Variants in NOMO3 observed in about 807,000 individuals in gnomAD.
The protein encoded by NOMO3 is BOS complex subunit NOMO3.
A neutral mutation model predicts 69.9 loss-of-function variants in NOMO3; 15 were observed. The ratio of observed to expected loss-of-function variants is 0.21; its 90% CI spans 0.14 to 0.33. The LOEUF is 0.33. NOMO3 is among the 10% of genes least tolerant of loss of function. The pLI is 1.00. For synonymous variants in NOMO3, 89 were observed against 301.9 expected (o/e 0.29, Z 7.31); for missense variants, 218 against 761.0 (o/e 0.29, Z 8.39).
At chr16:16,240,706 C>CA (rs1300574181) in intron 3 of NOMO3, among the ~76,000 whole-genome samples, 1 of 143,516 alleles carries the variant, frequency 7.0e-6, no homozygotes, top group Non-Finnish European at 1.5e-5. Flanking sequence ...TGGGTGACCC[C>CA]AGTCCATGGC....
Position 16,258,256 on chromosome 16 carries a change from T to C in NOMO3, c.1220+2098T>C, listed in dbSNP as rs577718006. On this transcript the variant is annotated intron_variant, in intron 11 of 30. Coordinates refer to ENST00000399336, the MANE Select transcript of NOMO3 (RefSeq NM_001004067.4). Reference sequence around the variant, plus strand: ...TTTTAAAAAAGACAAAAAAGACAAATACATTTATGCTGCTAAATTATGGCA... The same window carrying C: ...TTTTAAAAAAGACAAAAAAGACAAACACATTTATGCTGCTAAATTATGGCA... Among the ~76,000 whole-genome samples the C allele has an allele frequency of 3.3e-3, 461 of 139,756 alleles. 109 individuals are homozygous for C. The highest frequency in any genetic ancestry group is 0.013 in the African/African-American group (448 of 33,588). 91.7% of individuals were successfully genotyped at this position (139,756 alleles called of 152,430 possible). A position where few individuals can be genotyped will look rare whatever the true frequency, so the allele number is the denominator to read the frequency against.
intron 4 of NOMO3, among the ~76,000 whole-genome samples, chr16:16,244,179 C>T (rs898824042): frequency 7.0e-5 from 10 of 142,330 alleles, no homozygotes; most frequent in Non-Finnish European, 7.4e-5. Context: ...TCTTTCTCCT[C>T]TACCTTTGCG....
intron 1 of NOMO3, among the ~76,000 whole-genome samples, chr16:16,233,498 G>A (rs1180112754): frequency 9.3e-4 from 88 of 94,472 alleles, no homozygotes; most frequent in Middle Eastern, 0.01. Context: ...GATTTGTGCT[G>A]AAGGTTTTTT....
intron 16 of NOMO3, among the ~76,000 whole-genome samples, chr16:16,268,829 T>C (rs1177469538): frequency 6.9e-6 from 1 of 143,902 alleles, no homozygotes; most frequent in African/African-American, 2.9e-5. Flanking sequence ...TTAGAAAACT[T>C]ATGTTTAAAG....
intron 20 of NOMO3, among the ~76,000 whole-genome samples, 188 bp downstream of exon 20, chr16:16,274,263 A>T (rs62032179): frequency 8.0e-6 from 1 of 124,234 alleles, no homozygotes; most frequent in East Asian, 2.9e-4. Flanking sequence ...GTTGGGTTGG[A>T]TGGATGGATG....
At position 16,243,047 on chromosome 16, in the gene NOMO3, A is replaced by G; in HGVS notation, c.302-114A>G. 9.8e-6 allele frequency: 12 copies of G among 1,227,770 alleles called. 1 individual carries two copies. The highest frequency in any genetic ancestry group is 1.3e-5 in the Non-Finnish European group (12 of 910,508). The allele number at this position is 1,227,770 out of a possible 1,614,324, so 76.1% of individuals were successfully genotyped here. A position where few individuals can be genotyped will look rare whatever the true frequency, so the allele number is the denominator to read the frequency against. ...ACAACGAGTGTATTAAGTGTTCAAA[A>G]GTAAAATGAAACCTGAATAATAAAA... On this transcript the variant is annotated intron_variant, in intron 3 of 30. Coordinates refer to ENST00000399336, the MANE Select transcript of NOMO3 (RefSeq NM_001004067.4).
At chr16:16,240,888 C>G (rs3021043) in intron 3 of NOMO3, among the ~76,000 whole-genome samples, 11,004 of 119,448 alleles carry the variant, frequency 0.092, 42 homozygotes, top group Middle Eastern at 0.14. Flanking sequence ...GGGGTAGGGT[C>G]GGGGGTGCCT....
At chr16:16,269,070 T>A (rs1191070560) in intron 16 of NOMO3, among the ~76,000 whole-genome samples, 2 of 142,474 alleles carry the variant, frequency 1.4e-5, no homozygotes, top group Non-Finnish European at 3.0e-5. Context: ...AGCCAGCCTG[T>A]GAGGCAGATG....
intron 12 of NOMO3, 43 bp from the exon 13 acceptor site, chr16:16,263,031 C>G (rs747537664): frequency 1.2e-5 from 19 of 1,588,794 alleles, no homozygotes; most frequent in Non-Finnish European, 1.6e-5. Context: ...GGGGGAAGAT[C>G]TCCCCGAATG....
intron 11 of NOMO3, among the ~76,000 whole-genome samples, chr16:16,257,947 T>A (rs1477117965): frequency 7.1e-6 from 1 of 139,870 alleles, no homozygotes; most frequent in African/African-American, 3.1e-5. Flanking sequence ...AAATGCTTCA[T>A]ACCTAATAAT....
chr16:16,254,704 G>A (rs545379023), intron 9 of NOMO3, among the ~76,000 whole-genome samples: 1 of 143,598 alleles, frequency 7.0e-6, no homozygotes, highest in South Asian at 2.2e-4. Context: ...GAAATCGAAC[G>A]AGGACATTTC....
At position 16,262,998 on chromosome 16, in the gene NOMO3, AT is replaced by A. The variant is rs1485629535; in HGVS notation, c.1396-75del. On this transcript the variant is annotated intron_variant, in intron 12 of 30. Coordinates refer to ENST00000399336, the MANE Select transcript of NOMO3 (RefSeq NM_001004067.4). ...TCTCTTTAGCCTTGGTCCCAGATGA[AT>A]GTTCTAGCGCCCTGTAGGTCAGGGG... 1.3e-6 allele frequency: 2 copies of A among 1,557,174 alleles called. 1 individual carries two copies. The highest frequency in any genetic ancestry group is 4.9e-5 in the East Asian group (2 of 40,766).
chr16:16,241,357 G>A (rs1306148114), intron 3 of NOMO3, among the ~76,000 whole-genome samples: 2 of 142,216 alleles, frequency 1.4e-5, no homozygotes, highest in Admixed American at 1.4e-4. Context: ...CTTTGCTGTT[G>A]AGAATTCTGA....
chr16:16,265,674 T>A (rs867368549), intron 15 of NOMO3, among the ~76,000 whole-genome samples: 603 of 24,100 alleles, frequency 0.025, no homozygotes, highest in South Asian at 0.036. Context: ...ATATATATTT[T>A]TTTTTTTTTT....
chr16:16,267,500 T>A (rs1346403130), intron 16 of NOMO3, among the ~76,000 whole-genome samples: 1 of 143,682 alleles, frequency 7.0e-6, no homozygotes. Flanking sequence ...AGTGGCTCGA[T>A]CTTGGCTCAC....
Position 16,261,519 on chromosome 16 carries a change from A to G in NOMO3, c.1238A>G (p.Gln413Arg), listed in dbSNP as rs1254552991. Residue 413 changes from glutamine (Q) to arginine (R), a missense_variant, in exon 12 of 31, where the codon CAG (glutamine) becomes CGG (arginine). Transcript: ENST00000399336. The part of the protein sequence containing the change: ...IVATGFSVCG[Q>R]ISIIRFPDTV... The stretch of plus-strand genomic sequence containing the variant: ...CTTTGCAGGTTCAGTGTCTGTGGTC[A>G]GATATCAATCATTCGCTTCCCCGAC... 34 of 1,587,606 alleles carry G rather than the reference A, an allele frequency of 2.1e-5. 2 individuals are homozygous for G. The highest frequency in any genetic ancestry group is 1.0e-4 in the Admixed American group (6 of 58,522).
chr16:16,260,466 G>A (rs1020517502), intron 11 of NOMO3, among the ~76,000 whole-genome samples: 2 of 141,628 alleles, frequency 1.4e-5, no homozygotes, highest in Admixed American at 6.9e-5. Context: ...ATATGGCTGG[G>A]CAGTCCCTTC....
In NOMO3 at chr16:16,249,559, G is replaced by A. The variant is rs1267803834; in HGVS notation, c.583-1369G>A. On this transcript the variant is annotated intron_variant, in intron 6 of 30. Coordinates refer to ENST00000399336, the MANE Select transcript of NOMO3 (RefSeq NM_001004067.4). ...ATTGCACCACTGCACTTCAGCTTGG[G>A]TGACAGAGTGAGACTCCATCTCAAA... Among the ~76,000 whole-genome samples, 30 of 129,974 alleles carry A rather than the reference G, an allele frequency of 2.3e-4. 1 individual carries two copies. The highest frequency in any genetic ancestry group is 4.6e-4 in the Non-Finnish European group (30 of 65,570). 85.3% of individuals were successfully genotyped at this position (129,974 alleles called of 152,430 possible).
chr16:16,268,823 A>C (rs1196726645), intron 16 of NOMO3, among the ~76,000 whole-genome samples: 2 of 143,794 alleles, frequency 1.4e-5, no homozygotes, highest in Non-Finnish European at 2.9e-5. Flanking sequence ...CTGTGGTTAG[A>C]AAACTTATGT....
Sources: allele counts gnomAD v4.1 joint callset (sites outside exome capture counted in the v4.1 genomes callset), GRCh38; gene constraint gnomAD v4.1.1; transcripts MANE v1.5; gene names NCBI Gene and HGNC (gene_info 2026-07-23, HGNC 2026-07-21).